Variants in GREB1L observed in about 807,000 individuals in gnomAD.
GREB1L encodes GREB1-like protein.
A neutral mutation model predicts 200.8 loss-of-function variants in GREB1L; 17 were observed. The ratio of observed to expected loss-of-function variants is 0.08; its 90% CI spans 0.06 to 0.13. GREB1L has a LOEUF of 0.13. Among genes scored for constraint, GREB1L ranks in the 10% least tolerant of loss-of-function variants. The pLI is 1.00. For missense variants in GREB1L, 1,657 were observed against 2,367.7 expected (o/e 0.70, Z 6.23); for synonymous variants, 789 against 893.0 (o/e 0.88, Z 2.08).
At chr18:21,375,075 T>G (rs886699300) in intron 2 of GREB1L, among the ~76,000 whole-genome samples, 1 of 151,606 alleles carries the variant, frequency 6.6e-6, no homozygotes, top group Non-Finnish European at 1.5e-5. Context: ...TTTTTGTTTT[T>G]TTTTTTGAGA....
At chr18:21,331,331 G>A (rs1426349890) in intron 1 of GREB1L, among the ~76,000 whole-genome samples, 1 of 152,180 alleles carries the variant, frequency 6.6e-6, no homozygotes, top group East Asian at 1.9e-4. Context: ...AAGAACAGAT[G>A]ATGGATAAAG....
intron 2 of GREB1L, among the ~76,000 whole-genome samples, chr18:21,375,184 C>T (rs756763669): frequency 6.6e-6 from 1 of 151,952 alleles, no homozygotes; most frequent in African/African-American, 2.4e-5. Context: ...TCTGCCTCAG[C>T]CTCCCGAGTA....
chr18:21,518,355 T>C, intron 31 of GREB1L, 121 bp downstream of exon 31: 1 of 904,176 alleles, frequency 1.1e-6, no homozygotes, highest in Non-Finnish European at 1.7e-6. Context: ...GTCTGGTCCT[T>C]TGCCAGAACT....
Position 21,524,867 on chromosome 18 carries a change from A to C in GREB1L, c.*2046A>C, listed in dbSNP as rs1490210458. The C allele has an allele frequency of 6.6e-6, 1 of 152,042 alleles. No individual in the cohort carries two copies. Among genetic ancestry groups the C allele is most frequent in the Non-Finnish European group, 1.5e-5 (1 of 68,000 alleles). The allele number at this position is 152,042 out of a possible 1,614,324, so 9.4% of individuals were successfully genotyped here. A position where few individuals can be genotyped will look rare whatever the true frequency, so the allele number is the denominator to read the frequency against. ...AAAGACCATCACCCCTATAATGGAG[A>C]AATTGATCTGCCTATTCTTTTCAAA... is the stretch of plus-strand genomic sequence containing the variant. On this transcript the variant is annotated 3_prime_UTR_variant, in exon 33 of 33. Transcript: ENST00000424526.
At chr18:21,256,953 C>A (rs1057440161) in intron 1 of GREB1L, among the ~76,000 whole-genome samples, 1 of 141,714 alleles carries the variant, frequency 7.1e-6, no homozygotes, top group African/African-American at 2.7e-5. Flanking sequence ...TGCAGTGAGC[C>A]GAGATCATGC....
rs2037491652 is a variant in GREB1L, at chr18:21,518,251, G to GGATA, written c.5472+18_5472+21dup. Reference sequence around the variant, plus strand: ...GGACCAGAGGTAAAAAGGGTGTGGGGGATACTGTGCTTACCTACATCCATC... The same window carrying GGATA: ...GGACCAGAGGTAAAAAGGGTGTGGGGGATAGATACTGTGCTTACCTACATCCATC... On this transcript the variant is annotated intron_variant, in intron 31 of 32. Coordinates refer to ENST00000424526, the MANE Select transcript of GREB1L (RefSeq NM_001142966.3). The GGATA allele has an allele frequency of 7.1e-6, 11 of 1,548,810 alleles. 1 individual carries two copies. In the South Asian group the frequency reaches 1.3e-4, roughly 18 times the overall value.
chr18:21,325,600 G>C (rs1282769570), intron 1 of GREB1L, among the ~76,000 whole-genome samples: 10 of 151,636 alleles, frequency 6.6e-5, no homozygotes, highest in Admixed American at 2.6e-4. Context: ...GGATCACTTG[G>C]GCCCAGGAGT....
At chr18:21,306,661 C>T (rs1228632461) in intron 1 of GREB1L, among the ~76,000 whole-genome samples, 1 of 152,202 alleles carries the variant, frequency 6.6e-6, no homozygotes, top group Non-Finnish European at 1.5e-5. Flanking sequence ...AAATTGCAGA[C>T]TCAGTGTGGT....
chr18:21,496,931 T>TA (rs1215686123), intron 21 of GREB1L, among the ~76,000 whole-genome samples: 18 of 152,170 alleles, frequency 1.2e-4, no homozygotes, highest in Non-Finnish European at 2.5e-4. Context: ...GGTAATAGGC[T>TA]AAAAACAATT....
At chr18:21,403,805 C>T (rs2117317) in intron 6 of GREB1L, 67 bp from the exon 7 acceptor site, 593,888 of 1,324,292 alleles carry the variant, frequency 0.45, 140,375 homozygotes, top group African/African-American at 0.8. Context: ...TTATGGATTG[C>T]GTCCCCATCA....
intron 30 of GREB1L, among the ~76,000 whole-genome samples, chr18:21,517,703 TG>T (rs1440260666): frequency 6.6e-6 from 1 of 152,160 alleles, no homozygotes; most frequent in Non-Finnish European, 1.5e-5. Context: ...GGTGGGGTTG[TG>T]GGGTAGAGTT....
intron 12 of GREB1L, 23 bp downstream of exon 12, chr18:21,449,859 G>A: frequency 6.9e-7 from 1 of 1,459,014 alleles, no homozygotes; most frequent in South Asian, 1.4e-5. Context: ...TTTGTTTTTT[G>A]TTTGTTTAAT....
chr18:21,302,229 T>G (rs2038628500), intron 1 of GREB1L, among the ~76,000 whole-genome samples: 1 of 152,210 alleles, frequency 6.6e-6, no homozygotes, highest in African/African-American at 2.4e-5. Context: ...GAAAGACACC[T>G]TGTTACCCAA....
intron 1 of GREB1L, among the ~76,000 whole-genome samples, chr18:21,337,806 G>A (rs1567942214): frequency 6.6e-6 from 1 of 151,990 alleles, no homozygotes; most frequent in African/African-American, 2.4e-5. Flanking sequence ...TTAACACAGT[G>A]AAACCCCGTC....
intron 1 of GREB1L, among the ~76,000 whole-genome samples, chr18:21,337,675 G>C (rs769588721): frequency 1.3e-5 from 2 of 152,200 alleles, no homozygotes; most frequent in Non-Finnish European, 2.9e-5. Flanking sequence ...AAGTCAGACA[G>C]TGAGAGGTCT....
intron 15 of GREB1L, among the ~76,000 whole-genome samples, chr18:21,455,688 A>C (rs912008539): frequency 6.6e-6 from 1 of 151,774 alleles, no homozygotes; most frequent in Non-Finnish European, 1.5e-5. Flanking sequence ...AAAAAAAAAA[A>C]CAAAAAAACA....
intron 18 of GREB1L, among the ~76,000 whole-genome samples, chr18:21,488,155 T>C (rs987575396): frequency 6.6e-6 from 1 of 151,010 alleles, no homozygotes; most frequent in Non-Finnish European, 1.5e-5. Flanking sequence ...AAATACAAAA[T>C]TAGCTGGGCG....
At chr18:21,511,214 A>G (rs1214408596) in intron 27 of GREB1L, among the ~76,000 whole-genome samples, 1 of 152,072 alleles carries the variant, frequency 6.6e-6, no homozygotes, top group Non-Finnish European at 1.5e-5. Context: ...AAAATACAAA[A>G]TTAGCCTGGC....
At chr18:21,392,322 T>A (rs769683479) in intron 4 of GREB1L, among the ~76,000 whole-genome samples, 4 of 151,180 alleles carry the variant, frequency 2.6e-5, no homozygotes, top group Non-Finnish European at 5.9e-5. Context: ...GTGAGCCCTG[T>A]TCCTTAATAG....
Sources: allele counts gnomAD v4.1 joint callset (sites outside exome capture counted in the v4.1 genomes callset), GRCh38; gene constraint gnomAD v4.1.1; transcripts MANE v1.5; gene names NCBI Gene and HGNC (gene_info 2026-07-23, HGNC 2026-07-21).